The following RPL35 variants were observed in gnomAD, a reference collection of about 807,000 sequenced individuals.
The protein encoded by RPL35 is large ribosomal subunit protein uL29.
RPL35 carries 2 observed loss-of-function variants against 15.6 expected under a neutral mutation model. That is an observed-to-expected ratio of 0.13 (90% CI 0.05 to 0.40). The LOEUF (loss-of-function observed/expected upper bound fraction) is 0.40, where lower values mean the gene tolerates loss of function less well. Among genes scored for constraint, RPL35 ranks in the 10% least tolerant of loss-of-function variants. The pLI, the probability that RPL35 is intolerant of heterozygous loss-of-function variation, is 0.99. For missense variants in RPL35, 111 were observed against 164.7 expected, an observed-to-expected ratio of 0.67 and a Z score of 1.79; for synonymous variants, 93 against 67.9, an observed-to-expected ratio of 1.37 and a Z score of -1.82.
At chr9:124,859,217 G>A (rs1436332547) in intron 3 of RPL35, among the ~76,000 whole-genome samples, 4 of 152,222 alleles carry the variant, frequency 2.6e-5, no homozygotes, top group Admixed American at 2.6e-4. Context: ...ATGTTGCCCA[G>A]GCTACACTTT....
At chr9:124,860,305 A>T in intron 2 of RPL35, 41 bp from the exon 3 acceptor site, 1 of 1,508,764 alleles carries the variant, frequency 6.6e-7, no homozygotes, top group Non-Finnish European at 9.2e-7. Context: ...GAAGACACAT[A>T]GCACTACCCA....
rs1392585369 is a variant in RPL35, at chr9:124,860,231, G to A, written c.174C>T (p.Leu58=). 3 of 1,614,106 alleles carry A rather than the reference G, an allele frequency of 1.9e-6. No individual in the cohort carries two copies. The highest frequency in any genetic ancestry group is 2.5e-6 in the Non-Finnish European group (3 of 1,179,958). ...CTTTCTGAGTCTGGTTAATAACTGT[G>A]AGAACACGGGCAATGGATTTCCGGA... ...RVVRKSIARV[L]TVINQTQKEN... Residue 58 remains leucine, a synonymous_variant, in exon 3 of 4, where the codon CTC becomes CTT. Coordinates refer to ENST00000348462, the MANE Select transcript of RPL35 (RefSeq NM_007209.4).
At chr9:124,860,343 A>T in intron 2 of RPL35, 79 bp from the exon 3 acceptor site, 2 of 1,158,418 alleles carry the variant, frequency 1.7e-6, no homozygotes, top group Non-Finnish European at 1.3e-6. Flanking sequence ...ATAGGGCAGC[A>T]ATAGCTGCAG....
intron 2 of RPL35, chr9:124,861,189 C>T (rs980894245): frequency 1.9e-6 from 1 of 534,556 alleles, no homozygotes; most frequent in African/African-American, 2.0e-5. Context: ...TCCGGGTAGG[C>T]TTTGAAGGCA....
intron 3 of RPL35, among the ~76,000 whole-genome samples, chr9:124,859,745 G>A (rs995015385): frequency 3.3e-5 from 5 of 152,250 alleles, no homozygotes; most frequent in African/African-American, 9.6e-5. Context: ...CCTCCCCAAG[G>A]TAAGGTTTGG....
At chr9:124,861,610 C>A in intron 1 of RPL35, 55 bp from the exon 2 acceptor site, 1 of 1,588,362 alleles carries the variant, frequency 6.3e-7, no homozygotes, top group South Asian at 1.1e-5. Flanking sequence ...ATCCCCTTCA[C>A]CTGCGTGGCC....
intron 2 of RPL35, 140 bp from the exon 3 acceptor site, chr9:124,860,404 G>T: frequency 8.2e-6 from 6 of 729,224 alleles, no homozygotes; most frequent in Non-Finnish European, 7.4e-6. Context: ...CGTTCTGGGA[G>T]TGAGGTCTGA....
chr9:124,860,436 GA>G (rs1245359209), intron 2 of RPL35, among the ~76,000 whole-genome samples, 172 bp from the exon 3 acceptor site: 1 of 152,214 alleles, frequency 6.6e-6, no homozygotes, highest in East Asian at 1.9e-4. Context: ...AGGGGCATGG[GA>G]GAGACAGCAG....
chr9:124,859,058 A>C (rs1009905597), intron 3 of RPL35, among the ~76,000 whole-genome samples: 3 of 152,132 alleles, frequency 2.0e-5, no homozygotes, highest in African/African-American at 7.2e-5. Context: ...AACCCCCTAG[A>C]GTTCTGCTGT....
intron 2 of RPL35, 117 bp from the exon 3 acceptor site, chr9:124,860,381 C>A: frequency 1.2e-6 from 1 of 854,634 alleles, no homozygotes; most frequent in Non-Finnish European, 2.0e-6. Context: ...TCCATATTCA[C>A]TCAGGAGGAA....
At chr9:124,860,090 C>A (rs1829172784) in intron 3 of RPL35, 93 bp downstream of exon 3, 1 of 913,898 alleles carries the variant, frequency 1.1e-6, no homozygotes, top group Non-Finnish European at 1.8e-6. Flanking sequence ...TCAGCCCACG[C>A]ACCAAGAAAA....
intron 1 of RPL35, 169 bp from the exon 2 acceptor site, chr9:124,861,724 C>T: frequency 1.5e-6 from 2 of 1,327,894 alleles, no homozygotes; most frequent in Admixed American, 2.6e-5. Context: ...GCAGAGTAAC[C>T]CAGGCCCGGG....
In RPL35 at chr9:124,861,421, C is replaced by T. The variant is rs1048164009; in HGVS notation, c.138G>A (p.Lys46=). The change falls in exon 2 of 4, where the codon AAG becomes AAA. Residue 46 remains lysine (K), a splice_region_variant and synonymous_variant. Coordinates refer to ENST00000348462, the MANE Select transcript of RPL35 (RefSeq NM_007209.4). ...TGTGATCCGGCCGCCTCACTTACATCTTAGAGAGCTTGGAGGCCGCACCGC... is the reference window on the plus strand; with the variant it reads ...TGTGATCCGGCCGCCTCACTTACATTTTAGAGAGCTTGGAGGCCGCACCGC... ...VTGGAASKLS[K]IRVVRKSIAR... The T allele has an allele frequency of 1.2e-6, 2 of 1,612,562 alleles. No individual in the cohort carries two copies. Among genetic ancestry groups the T allele is most frequent in the Admixed American group, 1.7e-5 (1 of 59,944 alleles).
intron 3 of RPL35, 136 bp downstream of exon 3, chr9:124,860,047 A>G: frequency 1.5e-6 from 1 of 685,064 alleles, no homozygotes; most frequent in South Asian, 1.6e-5. Flanking sequence ...TAGAAGAGTG[A>G]GCCCAGCAAC....
chr9:124,860,285 T>C (rs1425226908), intron 2 of RPL35, 21 bp from the exon 3 acceptor site: 1 of 1,599,734 alleles, frequency 6.3e-7, no homozygotes, highest in East Asian at 2.2e-5. Context: ...GAGATGTCAG[T>C]GAAGATAGGG....
At chr9:124,858,311 T>C in intron 3 of RPL35, 1 of 617,444 alleles carries the variant, frequency 1.6e-6, no homozygotes, top group Non-Finnish European at 3.0e-6. Context: ...GGCAAAGCTG[T>C]GGAAGAGCCG....
At chr9:124,861,868 G>A (rs752302296) in intron 1 of RPL35, 42 bp downstream of exon 1, 15 of 1,600,300 alleles carry the variant, frequency 9.4e-6, no homozygotes, top group Non-Finnish European at 1.2e-5. Flanking sequence ...CAACCCCCGC[G>A]CCTCACAGCG....
At position 124,860,483 on chromosome 9, in the gene RPL35, G is replaced by A. The variant is rs543051310; in HGVS notation, c.141-219C>T. ...AGGAAGTGCAGGCTGGATAAATGAG[G>A]CAGATCAGAAAAAGACCTTCAATCC... On this transcript the variant is annotated intron_variant, in intron 2 of 3. Transcript: ENST00000348462. Among the ~76,000 whole-genome samples the A allele has an allele frequency of 7.2e-5, 11 of 152,302 alleles. No homozygotes were observed. The East Asian group carries it at 2.1e-3, about 29-fold the overall frequency.
At chr9:124,860,325 A>G in intron 2 of RPL35, 61 bp from the exon 3 acceptor site, 1 of 1,349,446 alleles carries the variant, frequency 7.4e-7, no homozygotes, top group Non-Finnish European at 1.1e-6. Context: ...AAGACTCAGG[A>G]CTCACACATA....
Sources: allele counts gnomAD v4.1 joint callset (sites outside exome capture counted in the v4.1 genomes callset), GRCh38; gene constraint gnomAD v4.1.1; transcripts MANE v1.5; gene names NCBI Gene and HGNC (gene_info 2026-07-23, HGNC 2026-07-21).